PTPRD: variants seen among roughly 807,000 people sequenced by gnomAD.
PTPRD encodes the protein protein tyrosine phosphatase receptor type D.
In PTPRD, 34 loss-of-function variants were observed where a neutral mutation model predicts 214.5. The observed-to-expected ratio is 0.16, with a 90% CI of 0.12 to 0.21. The LOEUF (loss-of-function observed/expected upper bound fraction) is 0.21, where lower values mean the gene tolerates loss of function less well. Ranked by LOEUF, PTPRD falls within the 10% of genes least tolerant of loss-of-function variation. The pLI is 1.00. For synonymous variants in PTPRD, 1,128 were observed against 845.7 expected, an observed-to-expected ratio of 1.33 and a Z score of -5.79; for missense variants, 2,545 against 2,398.7, an observed-to-expected ratio of 1.06 and a Z score of -1.27.
chr9:10,075,346 G>A (rs1180469476), intron 3 of PTPRD, among the ~76,000 whole-genome samples: 1 of 151,814 alleles, frequency 6.6e-6, no homozygotes, highest in East Asian at 1.9e-4. Flanking sequence ...GGATAATTGT[G>A]AAAAAACAGA....
At chr9:9,870,406 T>G (rs984721991) in intron 5 of PTPRD, among the ~76,000 whole-genome samples, 2 of 151,996 alleles carry the variant, frequency 1.3e-5, no homozygotes, top group African/African-American at 2.4e-5. Context: ...GACAACTTTG[T>G]TACTTGCATA....
intron 8 of PTPRD, among the ~76,000 whole-genome samples, chr9:9,552,765 G>T (rs966916358): frequency 1.3e-5 from 2 of 152,042 alleles, no homozygotes; most frequent in African/African-American, 4.8e-5. Flanking sequence ...TTGTGACATG[G>T]CTGCTTTTCA....
At chr9:8,359,312 G>C (rs1016568815) in intron 39 of PTPRD, among the ~76,000 whole-genome samples, 19 of 151,500 alleles carry the variant, frequency 1.3e-4, no homozygotes, top group African/African-American at 4.6e-4. Flanking sequence ...GTGGGGTCAA[G>C]CAGTTTGAAT....
At chr9:8,836,822 T>A (rs1335836923) in intron 11 of PTPRD, among the ~76,000 whole-genome samples, 2 of 151,800 alleles carry the variant, frequency 1.3e-5, no homozygotes, top group African/African-American at 4.8e-5. Context: ...GGTCTTGATC[T>A]CCTGACCTCG....
intron 11 of PTPRD, among the ~76,000 whole-genome samples, chr9:8,846,422 T>C (rs2154539390): frequency 6.6e-6 from 1 of 152,262 alleles, no homozygotes; most frequent in Non-Finnish European, 1.5e-5. Context: ...TTCCAGGTAC[T>C]CCTAATAAAA....
chr9:9,335,983 A>C (rs1440043370), intron 9 of PTPRD, among the ~76,000 whole-genome samples: 1 of 152,134 alleles, frequency 6.6e-6, no homozygotes, highest in African/African-American at 2.4e-5. Flanking sequence ...AAAAAGAAAG[A>C]AAGAAATCTA....
intron 4 of PTPRD, among the ~76,000 whole-genome samples, chr9:9,957,710 A>G (rs929287568): frequency 6.6e-6 from 1 of 152,140 alleles, no homozygotes; most frequent in African/African-American, 2.4e-5. Context: ...TTATATGAAG[A>G]GGCAAAAGAC....
intron 2 of PTPRD, among the ~76,000 whole-genome samples, chr9:10,538,805 C>A (rs935671699): frequency 1.4e-4 from 21 of 152,126 alleles, no homozygotes; most frequent in African/African-American, 3.9e-4. Context: ...TTTGAGTATA[C>A]AGATCTTATA....
At chr9:9,135,646 A>G (rs1294699867) in intron 10 of PTPRD, among the ~76,000 whole-genome samples, 2 of 152,234 alleles carry the variant, frequency 1.3e-5, no homozygotes, top group Admixed American at 1.3e-4. Flanking sequence ...AATGCTTAGT[A>G]ATTCATTAAT....
At chr9:9,140,601 C>A (rs575507483) in intron 10 of PTPRD, among the ~76,000 whole-genome samples, 2 of 152,202 alleles carry the variant, frequency 1.3e-5, no homozygotes, top group South Asian at 2.1e-4. Flanking sequence ...TTTTTTGAGA[C>A]GGAGTCTCGC....
chr9:9,872,192 T>C (rs1307192782), intron 5 of PTPRD, among the ~76,000 whole-genome samples: 1 of 152,162 alleles, frequency 6.6e-6, no homozygotes, highest in African/African-American at 2.4e-5. Context: ...GTGTCTAACT[T>C]AGCATAATGA....
At chr9:8,627,993 G>A (rs1206316950) in intron 14 of PTPRD, among the ~76,000 whole-genome samples, 1 of 151,892 alleles carries the variant, frequency 6.6e-6, no homozygotes, top group Admixed American at 6.6e-5. Context: ...TATTTTATAA[G>A]CCTTTTCAAG....
chr9:8,346,550 C>A (rs916696804), intron 39 of PTPRD, among the ~76,000 whole-genome samples: 7 of 152,104 alleles, frequency 4.6e-5, no homozygotes, highest in African/African-American at 1.7e-4. Context: ...TTCCATCCAG[C>A]CCAGGGTGTG....
At chr9:9,839,073 T>C (rs528080138) in intron 5 of PTPRD, among the ~76,000 whole-genome samples, 97 of 152,274 alleles carry the variant, frequency 6.4e-4, no homozygotes, top group African/African-American at 2.3e-3. Flanking sequence ...GATCAGATAG[T>C]TGTAGATATG....
intron 9 of PTPRD, among the ~76,000 whole-genome samples, chr9:9,361,330 C>T (rs1235557872): frequency 1.3e-5 from 2 of 151,084 alleles, no homozygotes; most frequent in Non-Finnish European, 3.0e-5. Flanking sequence ...CATATTGCTG[C>T]TTATTAATAT....
intron 3 of PTPRD, among the ~76,000 whole-genome samples, chr9:10,145,263 G>A (rs1161620477): frequency 6.6e-6 from 1 of 151,316 alleles, no homozygotes; most frequent in African/African-American, 2.4e-5. Flanking sequence ...ATGAATGCTT[G>A]CATGTGTTTG....
intron 4 of PTPRD, among the ~76,000 whole-genome samples, chr9:10,032,556 TAGTG>T (rs1199395897): frequency 6.6e-6 from 1 of 152,182 alleles, no homozygotes; most frequent in Non-Finnish European, 1.5e-5. Flanking sequence ...ACTCCTGATA[TAGTG>T]AATTTTTTCC....
At chr9:9,151,936 G>A (rs1449470374) in intron 10 of PTPRD, among the ~76,000 whole-genome samples, 1 of 152,196 alleles carries the variant, frequency 6.6e-6, no homozygotes, top group African/African-American at 2.4e-5. Flanking sequence ...ACCTACCTGT[G>A]AGAGTAACTT....
intron 14 of PTPRD, among the ~76,000 whole-genome samples, chr9:8,580,135 T>C (rs55662258): frequency 0.037 from 5,638 of 152,236 alleles, 181 homozygotes; most frequent in African/African-American, 0.086. Context: ...AGACAGAATA[T>C]ACGAAACAAA....
Sources: allele counts gnomAD v4.1 joint callset (sites outside exome capture counted in the v4.1 genomes callset), GRCh38; gene constraint gnomAD v4.1.1; transcripts MANE v1.5; gene names NCBI Gene and HGNC (gene_info 2026-07-23, HGNC 2026-07-21).